SAMD12: variants seen among roughly 807,000 people sequenced by gnomAD.
The protein encoded by SAMD12 is sterile alpha motif domain containing 12, also known as sterile alpha motif domain-containing protein 12.
Under a neutral mutation model 15.0 loss-of-function variants are expected in SAMD12, and 9 were observed. That is an observed-to-expected ratio of 0.60 (90% CI 0.36 to 1.05). The LOEUF is 1.05. Ranked by LOEUF, SAMD12 falls within the 50% of genes least tolerant of loss-of-function variation. SAMD12 has a pLI of 0.01. For synonymous variants in SAMD12, 86 were observed against 90.1 expected, an observed-to-expected ratio of 0.96 and a Z score of 0.25; for missense variants, 230 against 234.2, an observed-to-expected ratio of 0.98 and a Z score of 0.12.
chr8:118,407,832 A>G (rs1821207898), intron 3 of SAMD12, among the ~76,000 whole-genome samples: 1 of 152,064 alleles, frequency 6.6e-6, no homozygotes, highest in African/African-American at 2.4e-5. Context: ...AGTCACTCAC[A>G]TTCCCTGAGG....
intron 4 of SAMD12, among the ~76,000 whole-genome samples, chr8:118,363,224 TTTTGTGTGTCAGC>T (rs1408097103): frequency 6.6e-6 from 1 of 152,162 alleles, no homozygotes; most frequent in Non-Finnish European, 1.5e-5. Context: ...CGATGGTTAA[TTTTGTGTGTCAGC>T]TTGACTGGGC....
the SAMD12 span, among the ~76,000 whole-genome samples, chr8:118,172,261 T>C: frequency 6.6e-6 from 1 of 150,416 alleles, no homozygotes; most frequent in African/African-American, 2.5e-5. Context: ...AAATTAAAAA[T>C]AAAATAAACT....
At chr8:118,295,183 A>C (rs1032437672) in intron 4 of SAMD12, among the ~76,000 whole-genome samples, 5 of 152,196 alleles carry the variant, frequency 3.3e-5, no homozygotes, top group Non-Finnish European at 7.3e-5. Context: ...ATTTCTTCTA[A>C]TCAGCTGAAT....
intron 4 of SAMD12, among the ~76,000 whole-genome samples, chr8:118,244,438 A>C (rs990750017): frequency 2.6e-5 from 4 of 152,128 alleles, no homozygotes; most frequent in African/African-American, 9.7e-5. Flanking sequence ...AGGAACACTT[A>C]TATATCTGTC....
At chr8:118,185,881 T>C (rs1819235038), downstream of SAMD12, among the ~76,000 whole-genome samples, 1 of 152,126 alleles carries the variant, frequency 6.6e-6, no homozygotes, top group African/African-American at 2.4e-5. Context: ...CAGGTTTCCA[T>C]CTCCCTCTCA....
chr8:118,583,296 G>A (rs754170024), intron 1 of SAMD12, among the ~76,000 whole-genome samples: 2 of 152,184 alleles, frequency 1.3e-5, no homozygotes, highest in African/African-American at 2.4e-5. Flanking sequence ...CTGAGAGCTT[G>A]AAGCTAATTA....
Position 118,379,685 on chromosome 8 carries a change from C to G in SAMD12, c.338G>C (p.Arg113Thr). The G allele has an allele frequency of 1.2e-6, 2 of 1,613,712 alleles. No individual in the cohort carries two copies. The highest frequency in any genetic ancestry group is 8.5e-7 in the Non-Finnish European group (1 of 1,179,706). The change falls in exon 4 of 4, where the codon AGA becomes ACA. Residue 113 changes from arginine to threonine, a missense_variant. Physicochemically the swap from Arg to Thr is moderately conservative, Grantham distance 71. Transcript: ENST00000314727. The part of the protein sequence containing the change: ...QHDITGRALL[R>T]LTDKKLERMG... ...TCGCTCGAGCTTTTTGTCAGTAAGT[C>G]TCAGCAGGGCTCGCCCTGCAGGGTT...
At chr8:118,487,163 G>T (rs539262357) in intron 2 of SAMD12, among the ~76,000 whole-genome samples, 1 of 152,258 alleles carries the variant, frequency 6.6e-6, no homozygotes, top group Admixed American at 6.5e-5. Flanking sequence ...GCTAGGACAT[G>T]GTCAGCTTTC....
At chr8:118,618,243 C>A (rs1828294557) in intron 1 of SAMD12, among the ~76,000 whole-genome samples, 1 of 152,040 alleles carries the variant, frequency 6.6e-6, no homozygotes, top group Non-Finnish European at 1.5e-5. Flanking sequence ...AAACAATAAA[C>A]AAAGGGCACC....
At chr8:118,281,327 T>C (rs374207844) in intron 4 of SAMD12, among the ~76,000 whole-genome samples, 1 of 152,156 alleles carries the variant, frequency 6.6e-6, no homozygotes, top group South Asian at 2.1e-4. Context: ...ATGTGTCTAG[T>C]GGGGAGGAGA....
the SAMD12 span, among the ~76,000 whole-genome samples, chr8:118,131,964 A>G: frequency 1.3e-5 from 2 of 152,218 alleles, no homozygotes; most frequent in South Asian, 4.1e-4. Context: ...CAAAGAGAAG[A>G]TACCCATTAT....
chr8:118,219,176 G>A lies in SAMD12; in HGVS notation c.434-21444C>T, dbSNP rs567004263. On this transcript the variant is annotated intron_variant, in intron 4 of 4. Transcript: ENST00000409003. ...GTAGGCATCTGTGTTGCCCATACAC[G>A]TCTATGACGTGCATTTTGCCATTTT... 4.6e-5 allele frequency among the ~76,000 whole-genome samples: 7 copies of A among 152,172 alleles called. No individual in the cohort carries two copies. The South Asian group carries it at 1.0e-3, about 23-fold the overall frequency.
chr8:118,468,678 G>A (rs1414301316), intron 2 of SAMD12, among the ~76,000 whole-genome samples: 1 of 151,784 alleles, frequency 6.6e-6, no homozygotes, highest in Non-Finnish European at 1.5e-5. Context: ...CTTCCTTGTG[G>A]CAACATACTA....
intron 1 of SAMD12, among the ~76,000 whole-genome samples, chr8:118,595,863 A>G (rs1446738578): frequency 6.6e-6 from 1 of 152,176 alleles, no homozygotes; most frequent in Non-Finnish European, 1.5e-5. Context: ...ACAGACTTCT[A>G]TGGGCACCAT....
chr8:118,486,404 A>G (rs1775822157), intron 2 of SAMD12, among the ~76,000 whole-genome samples: 1 of 142,144 alleles, frequency 7.0e-6, no homozygotes. Context: ...TGACAGAGAG[A>G]GAATCCGTCT....
intron 4 of SAMD12, among the ~76,000 whole-genome samples, chr8:118,277,121 CTAT>C (rs1287915622): frequency 6.6e-6 from 1 of 152,104 alleles, no homozygotes; most frequent in African/African-American, 2.4e-5. Context: ...CCTAATTCAC[CTAT>C]TATATTTCAC....
exon 5 of SAMD12, chr8:118,194,129 A>G (rs1311862569): frequency 2.6e-5 from 4 of 152,200 alleles, no homozygotes; most frequent in African/African-American, 9.6e-5. Flanking sequence ...AGGGGGATCC[A>G]TTAGAGGTTT....
intron 2 of SAMD12, among the ~76,000 whole-genome samples, chr8:118,526,759 G>A (rs1362635830): frequency 6.6e-6 from 1 of 152,094 alleles, no homozygotes; most frequent in Non-Finnish European, 1.5e-5. Context: ...CAAGGTCAAA[G>A]GCAGTCAGAA....
intron 4 of SAMD12, among the ~76,000 whole-genome samples, chr8:118,324,477 T>G (rs72675876): frequency 0.13 from 19,579 of 152,180 alleles, 1,397 homozygotes; most frequent in African/African-American, 0.16. Context: ...TAAGTGAATT[T>G]AATAATTAAT....
Sources: allele counts gnomAD v4.1 joint callset (sites outside exome capture counted in the v4.1 genomes callset), GRCh38; gene constraint gnomAD v4.1.1; transcripts MANE v1.5; gene names NCBI Gene and HGNC (gene_info 2026-07-23, HGNC 2026-07-21).